Variants in HSPG2 observed in about 807,000 individuals in gnomAD.
The protein encoded by HSPG2 is heparan sulfate proteoglycan 2, also known as basement membrane-specific heparan sulfate proteoglycan core protein.
HSPG2 carries 278 observed loss-of-function variants against 526.6 expected under a neutral mutation model. That is an observed-to-expected ratio of 0.53 (90% CI 0.48 to 0.58). HSPG2 has a LOEUF of 0.58. HSPG2 is among the 20% of genes least tolerant of loss of function. The pLI is 0.00. For synonymous variants in HSPG2, 2,465 were observed against 2,555.4 expected (o/e 0.96, Z 1.07); for missense variants, 5,354 against 6,099.5 (o/e 0.88, Z 4.07).
At position 21,857,395 on chromosome 1, in the gene HSPG2, C is replaced by A. The variant is rs376680742; in HGVS notation, c.5294-10G>T. The A allele has an allele frequency of 1.2e-6, 2 of 1,612,538 alleles. No individual in the cohort carries two copies. Among genetic ancestry groups the A allele is most frequent in the South Asian group, 2.2e-5 (2 of 91,074 alleles). ...GGCTTGCTTGGAGCCTCTGCAGGGA[C>A]GGGAAGCCCCCCTGTGAGCCGGTGC... On this transcript the variant is annotated splice_polypyrimidine_tract_variant and intron_variant, in intron 42 of 96. Coordinates refer to ENST00000374695, the MANE Select transcript of HSPG2 (RefSeq NM_005529.7).
rs548335919 is a variant in HSPG2 at position 21,890,323 on chromosome 1, C to G, written c.413+104G>C. 1.2e-4 allele frequency: 154 copies of G among 1,313,266 alleles called. No homozygotes were observed. The African/African-American group carries it at 2.1e-3, about 18-fold the overall frequency. 81.4% of individuals were successfully genotyped at this position (1,313,266 alleles called of 1,614,324 possible). ...TGAATTTCCACCCACAGCGACTCAT[C>G]CCATAGGCCTTTCCGCGGTGCCAGG... On this transcript the variant is annotated intron_variant, in intron 5 of 96. Transcript: ENST00000374695. The surrounding 1 kb of genome is among the most constrained non-coding windows in gnomAD (Gnocchi z 4.1).
At position 21,851,715 on chromosome 1, in the gene HSPG2, C is replaced by T; in HGVS notation, c.7007-18G>A. 6.2e-7 allele frequency: 1 copy of T among 1,613,944 alleles called. No individual in the cohort carries two copies. The highest frequency in any genetic ancestry group is 8.5e-7 in the Non-Finnish European group (1 of 1,180,026). ...GCCGGCAGCTGAGGGATAAGATGGT[C>T]ACCGGTCACTCCTGTTCTCTGAAGC... On this transcript the variant is annotated intron_variant, in intron 54 of 96. Coordinates refer to ENST00000374695, the MANE Select transcript of HSPG2 (RefSeq NM_005529.7).
In HSPG2 at chr1:21,824,827, A is replaced by G. The variant is rs1296369421; in HGVS notation, c.12590-48T>C. 1.3e-5 allele frequency: 20 copies of G among 1,535,960 alleles called. No individual in the cohort carries two copies. The highest frequency in any genetic ancestry group is 1.7e-5 in the Non-Finnish European group (19 of 1,122,598). On this transcript the variant is annotated intron_variant, in intron 91 of 96. Coordinates refer to ENST00000374695, the MANE Select transcript of HSPG2 (RefSeq NM_005529.7). This position sits in a 1 kb window ranked among gnomAD's most constrained non-coding sequence, Gnocchi z 5.9. ...GCCATACCTGCTGCATCAGGCATCA[A>G]AATCCCCCGTCAGTTCCCCTGACCC...
chr1:21,833,210 C>T, intron 80 of HSPG2, 58 bp downstream of exon 80: 1 of 1,372,222 alleles, frequency 7.3e-7, no homozygotes, highest in Non-Finnish European at 1.0e-6. Flanking sequence ...ATGGCAGTTA[C>T]TCCACGAGGT....
At chr1:21,856,414 G>C (rs1280206406) in intron 44 of HSPG2, among the ~76,000 whole-genome samples, 3 of 152,142 alleles carry the variant, frequency 2.0e-5, no homozygotes, top group Non-Finnish European at 1.5e-5. Flanking sequence ...CTCCCACCTT[G>C]TTTTATTTTA....
rs780662110 is a variant in HSPG2 at position 21,889,939 on chromosome 1, C to T, written c.574+42G>A. ...GCAGAGACACTGAAAGGGGACCCCA[C>T]GAGTCTGGAGGAGGCGATCCCAGAC... On this transcript the variant is annotated intron_variant, in intron 6 of 96. Transcript: ENST00000374695. 1.1e-5 allele frequency: 18 copies of T among 1,610,478 alleles called. 1 individual carries two copies. The highest frequency in any genetic ancestry group is 4.4e-5 in the South Asian group (4 of 91,016).
chr1:21,886,162 C>T (rs945563943), intron 9 of HSPG2, among the ~76,000 whole-genome samples: 3 of 152,270 alleles, frequency 2.0e-5, no homozygotes, highest in African/African-American at 2.4e-5. Context: ...CAGGAGCCCA[C>T]GAGGCCATTC....
At chr1:21,927,264 A>T (rs1644223123) in intron 1 of HSPG2, among the ~76,000 whole-genome samples, 1 of 151,514 alleles carries the variant, frequency 6.6e-6, no homozygotes, top group Admixed American at 6.5e-5. Flanking sequence ...GACCCGCCTG[A>T]TGGGGAGGGG....
chr1:21,861,297 CGGGT>C (rs1419335331), intron 39 of HSPG2, among the ~76,000 whole-genome samples: 1 of 151,970 alleles, frequency 6.6e-6, no homozygotes, highest in African/African-American at 2.4e-5. Flanking sequence ...TAGCCAGGAA[CGGGT>C]GGTTTAGGGG....
At position 21,851,540 on chromosome 1, in the gene HSPG2, C is replaced by T; in HGVS notation, c.7158+6G>A. On this transcript the variant is annotated splice_donor_region_variant and intron_variant, in intron 55 of 96. Coordinates refer to ENST00000374695, the MANE Select transcript of HSPG2 (RefSeq NM_005529.7). ...TTCTTGGCCTGTCTGTCCTCCAGTC[C>T]CATACCTGGTGCCGGACAGGGAGGC... is the stretch of plus-strand genomic sequence containing the variant. 1 of 1,613,746 alleles carries T rather than the reference C, an allele frequency of 6.2e-7. No individual in the cohort carries two copies. The highest frequency in any genetic ancestry group is 8.5e-7 in the Non-Finnish European group (1 of 1,180,042).
Position 21,823,300 on chromosome 1 carries a change from TG to T in HSPG2, c.*15del. The T allele has an allele frequency of 6.6e-7, 1 of 1,511,288 alleles. No homozygotes were observed. 93.6% of individuals were successfully genotyped at this position (1,511,288 alleles called of 1,614,324 possible). On this transcript the variant is annotated 3_prime_UTR_variant, in exon 97 of 97. Transcript: ENST00000374695. ...CTGGGGCGTGGCCCGGGAGTCCGTG[TG>T]GGGCAGGCAGGTGCCTACGAGGGGC...
Position 21,872,647 on chromosome 1 carries a change from G to C in HSPG2, c.4002C>G (p.Cys1334Trp). ...GGTGGCGTGTGTAGGCAGAGCTGGC[G>C]CACTGCTGGGTGATGCCCATACAGA... ...PCFCMGITQQ[C>W]ASSAYTRHLI... The change falls in exon 32 of 97, where the codon TGC (cysteine) becomes TGG (tryptophan). Residue 1334 changes from cysteine (C) to tryptophan (W), a missense_variant. Coordinates refer to ENST00000374695, the MANE Select transcript of HSPG2 (RefSeq NM_005529.7). The surrounding 1 kb of genome is among the most constrained non-coding windows in gnomAD (Gnocchi z 5.5). The C allele has an allele frequency of 6.3e-7, 1 of 1,595,336 alleles. No homozygotes were observed.
At chr1:21,896,132 C>T in intron 2 of HSPG2, 43 bp downstream of exon 2, 5 of 1,613,222 alleles carry the variant, frequency 3.1e-6, no homozygotes, top group Non-Finnish European at 4.2e-6. Context: ...AGCACAGTCT[C>T]ACCCCCCACC....
At chr1:21,825,934 C>A (rs1298680816) in intron 91 of HSPG2, among the ~76,000 whole-genome samples, 1 of 151,936 alleles carries the variant, frequency 6.6e-6, no homozygotes, top group Non-Finnish European at 1.5e-5. Context: ...TACAGGTGTG[C>A]ACCACCACAC....
chr1:21,835,027 A>C, intron 76 of HSPG2, 82 bp from the exon 77 acceptor site: 4 of 1,488,826 alleles, frequency 2.7e-6, no homozygotes, highest in Non-Finnish European at 2.8e-6. Flanking sequence ...GCCCAAGGAA[A>C]GGTGAGCACT....
At position 21,832,548 on chromosome 1, in the gene HSPG2, G is replaced by C. The variant is rs1449969305; in HGVS notation, c.11154C>G (p.Asn3718Lys). 1 of 1,614,108 alleles carries C rather than the reference G, an allele frequency of 6.2e-7. No individual in the cohort carries two copies. Among genetic ancestry groups the C allele is most frequent in the Non-Finnish European group, 8.5e-7 (1 of 1,180,046 alleles). Residue 3718 changes from asparagine (N) to lysine (K), a missense_variant, in exon 81 of 97, where the codon AAC (asparagine) becomes AAG (lysine). Asn to Lys is a moderately conservative substitution (Grantham distance 94). Transcript: ENST00000374695. ...CGAAGGAGATGAAGTCGGGCTGCCG[G>C]TTGGCCAGGTTGGTGGGGCTCCCTG... Reference protein sequence around the residue: ...RVPGSPTNLANRQPDFISFGL... With the variant: ...RVPGSPTNLAKRQPDFISFGL...
chr1:21,833,106 C>T (rs977664889), intron 80 of HSPG2, 162 bp downstream of exon 80: 68 of 703,230 alleles, frequency 9.7e-5, no homozygotes, highest in Non-Finnish European at 1.6e-4. Context: ...AGAGAAGGCA[C>T]ACCAGGGTGG....
chr1:21,931,961 C>T (rs983925104), intron 1 of HSPG2, among the ~76,000 whole-genome samples: 4 of 152,186 alleles, frequency 2.6e-5, no homozygotes, highest in Admixed American at 6.5e-5. Context: ...GCCAGCCTGG[C>T]CCACTCAGGC....
In HSPG2 at chr1:21,860,015, G is replaced by A. The variant is rs1472557369; in HGVS notation, c.5015-13C>T. ...GGGGCTTGGTTTGCTGGGGGTGGGG[G>A]CCGGGACAGGAAGGGCCTTTCAGCA... On this transcript the variant is annotated splice_polypyrimidine_tract_variant and intron_variant, in intron 40 of 96. Coordinates refer to ENST00000374695, the MANE Select transcript of HSPG2 (RefSeq NM_005529.7). 18 of 1,609,140 alleles carry A rather than the reference G, an allele frequency of 1.1e-5. No homozygotes were observed. The highest frequency in any genetic ancestry group is 1.5e-5 in the Non-Finnish European group (18 of 1,178,436).
Sources: allele counts gnomAD v4.1 joint callset (sites outside exome capture counted in the v4.1 genomes callset), GRCh38; gene constraint gnomAD v4.1.1; non-coding constraint Gnocchi (gnomAD v3.1); transcripts MANE v1.5; gene names NCBI Gene and HGNC (gene_info 2026-07-23, HGNC 2026-07-21).